Variants in HEATR5B observed in about 807,000 individuals in gnomAD.
HEATR5B encodes the protein HEAT repeat-containing protein 5B.
HEATR5B carries 156 observed loss-of-function variants against 224.1 expected under a neutral mutation model. The observed-to-expected ratio is 0.70, with a 90% CI of 0.61 to 0.80. HEATR5B has a LOEUF of 0.80. HEATR5B is among the 30% of genes least tolerant of loss of function. HEATR5B has a pLI of 0.00. For missense variants in HEATR5B, 2,323 were observed against 2,535.5 expected, an observed-to-expected ratio of 0.92 and a Z score of 1.80; for synonymous variants, 1,027 against 893.0, an observed-to-expected ratio of 1.15 and a Z score of -2.68.
At chr2:37,057,923 T>C (rs549068251) in intron 14 of HEATR5B, among the ~76,000 whole-genome samples, 9 of 152,316 alleles carry the variant, frequency 5.9e-5, no homozygotes, top group African/African-American at 2.2e-4. Flanking sequence ...CCCAATAATG[T>C]ACAATGAACC....
At position 37,068,859 on chromosome 2, in the gene HEATR5B, A is replaced by G; in HGVS notation, c.999T>C (p.His333=). Residue 333 remains histidine, a synonymous_variant, in exon 8 of 36, where the codon CAT becomes CAC. Transcript: ENST00000233099. ...GAGGATGGGAAACCAGATCAAGTAC[A>G]TGGGACAGGAACGTGGCAAAGCTGC... ...LERSFATFLS[H]VLDLVSHPRA... is the part of the protein sequence containing the mutation. The G allele has an allele frequency of 6.2e-7, 1 of 1,614,180 alleles. No homozygotes were observed. The highest frequency in any genetic ancestry group is 8.5e-7 in the Non-Finnish European group (1 of 1,180,008).
intron 5 of HEATR5B, 33 bp from the exon 6 acceptor site, chr2:37,072,314 C>T (rs775963254): frequency 1.7e-5 from 25 of 1,458,826 alleles, no homozygotes; most frequent in Non-Finnish European, 2.4e-5. Flanking sequence ...AAATAACATC[C>T]TATAACATCT....
intron 26 of HEATR5B, 99 bp from the exon 27 acceptor site, chr2:37,014,119 C>A: frequency 3.3e-6 from 2 of 604,378 alleles, no homozygotes; most frequent in Non-Finnish European, 5.5e-6. Flanking sequence ...AAACACAAAA[C>A]CAAAGAACAA....
chr2:37,052,508 G>C (rs1670624461), intron 17 of HEATR5B, among the ~76,000 whole-genome samples: 1 of 152,212 alleles, frequency 6.6e-6, no homozygotes, highest in Admixed American at 6.5e-5. Context: ...CATGATTTCA[G>C]ACAGAAGATT....
chr2:37,032,797 C>T (rs756258465), intron 21 of HEATR5B, 24 bp from the exon 22 acceptor site: 28 of 1,600,862 alleles, frequency 1.7e-5, no homozygotes, highest in Admixed American at 3.4e-5. Context: ...CAATGTTAGG[C>T]GATTTCTCTT....
chr2:37,055,286 T>C (rs1044085996), intron 16 of HEATR5B, among the ~76,000 whole-genome samples: 2 of 151,786 alleles, frequency 1.3e-5, no homozygotes, highest in Non-Finnish European at 2.9e-5. Context: ...ATGTTATTTA[T>C]TATATGTTTA....
At chr2:37,076,687 G>T (rs929369385) in intron 4 of HEATR5B, among the ~76,000 whole-genome samples, 1 of 146,622 alleles carries the variant, frequency 6.8e-6, no homozygotes, top group African/African-American at 2.5e-5. Context: ...AAGTACCATA[G>T]GACTAAATAA....
intron 2 of HEATR5B, 81 bp downstream of exon 2, chr2:37,083,208 C>T (rs528447397): frequency 1.3e-6 from 2 of 1,526,192 alleles, no homozygotes; most frequent in South Asian, 1.1e-5. Flanking sequence ...CCTTCCAAAA[C>T]ATAACATGTG....
intron 17 of HEATR5B, among the ~76,000 whole-genome samples, chr2:37,051,210 G>A (rs973869649): frequency 1.3e-5 from 2 of 151,816 alleles, no homozygotes; most frequent in African/African-American, 4.8e-5. Flanking sequence ...ACAAAAATTA[G>A]CTGGGCATGA....
intron 26 of HEATR5B, among the ~76,000 whole-genome samples, chr2:37,014,243 G>A (rs865821568): frequency 6.6e-6 from 1 of 151,934 alleles, no homozygotes; most frequent in Admixed American, 6.6e-5. Context: ...CTCACTGCAA[G>A]CTCCACCTCC....
At chr2:37,040,804 AAG>A (rs1669824514) in intron 19 of HEATR5B, among the ~76,000 whole-genome samples, 1 of 152,120 alleles carries the variant, frequency 6.6e-6, no homozygotes, top group Non-Finnish European at 1.5e-5. Flanking sequence ...GTATCACAGG[AAG>A]AGAGAGAAGG....
At chr2:37,008,884 A>G (rs1667603514) in intron 27 of HEATR5B, 36 bp from the exon 28 acceptor site, 5 of 1,212,664 alleles carry the variant, frequency 4.1e-6, no homozygotes, top group South Asian at 2.7e-5. Flanking sequence ...ATAGTAAGGC[A>G]TAAGATAAAA....
chr2:37,044,614 G>A (rs1670076775), intron 18 of HEATR5B, among the ~76,000 whole-genome samples: 1 of 151,996 alleles, frequency 6.6e-6, no homozygotes, highest in Admixed American at 6.6e-5. Context: ...ATTTCTCTTA[G>A]GTAAATACCT....
intron 20 of HEATR5B, 125 bp downstream of exon 20, chr2:37,040,204 C>T (rs1669785830): frequency 1.4e-6 from 1 of 732,642 alleles, no homozygotes; most frequent in South Asian, 1.9e-5. Context: ...TTCAGTAAAT[C>T]CAAGTATTCA....
chr2:37,079,108 G>A lies in HEATR5B; in HGVS notation c.338+12C>T. On this transcript the variant is annotated intron_variant, in intron 3 of 35. Transcript: ENST00000233099. ...TAAAACTTCAAGGGCCCCTATTAAA[G>A]TAAGTACTTACAATTTTGTTGGTAA... 2.6e-6 allele frequency: 4 copies of A among 1,518,130 alleles called. No individual in the cohort carries two copies. Among genetic ancestry groups the A allele is most frequent in the Non-Finnish European group, 3.6e-6 (4 of 1,101,866 alleles). The allele number at this position is 1,518,130 out of a possible 1,614,324, so 94.0% of individuals were successfully genotyped here.
chr2:36,999,927 A>C (rs1342403897), intron 33 of HEATR5B, among the ~76,000 whole-genome samples: 3 of 151,426 alleles, frequency 2.0e-5, no homozygotes, highest in Admixed American at 1.3e-4. Flanking sequence ...CAGAAGAATC[A>C]CTTGAACCCG....
chr2:37,040,292 TCTAA>T (rs766532345), intron 20 of HEATR5B, 33 bp downstream of exon 20: 1 of 1,495,720 alleles, frequency 6.7e-7, no homozygotes, highest in Admixed American at 1.9e-5. Flanking sequence ...ATACTGATTA[TCTAA>T]CTAGGTTCCT....
At chr2:37,040,673 C>A (rs1313423741) in intron 19 of HEATR5B, among the ~76,000 whole-genome samples, 155 bp from the exon 20 acceptor site, 3 of 152,128 alleles carry the variant, frequency 2.0e-5, no homozygotes, top group Admixed American at 6.5e-5. Flanking sequence ...CATACACATT[C>A]TTCATCTTCA....
intron 32 of HEATR5B, among the ~76,000 whole-genome samples, chr2:37,001,765 G>C (rs1360595633): frequency 6.6e-6 from 1 of 151,810 alleles, no homozygotes; most frequent in Non-Finnish European, 1.5e-5. Flanking sequence ...CCGGGTTCAA[G>C]TGATTCTCCT....
Sources: allele counts gnomAD v4.1 joint callset (sites outside exome capture counted in the v4.1 genomes callset), GRCh38; gene constraint gnomAD v4.1.1; transcripts MANE v1.5; gene names NCBI Gene and HGNC (gene_info 2026-07-23, HGNC 2026-07-21).